Variants in ZBTB17 observed in about 807,000 individuals in gnomAD.
The protein encoded by ZBTB17 is zinc finger and BTB domain containing 17, also known as zinc finger and BTB domain-containing protein 17.
A neutral mutation model predicts 85.1 loss-of-function variants in ZBTB17; 24 were observed. That is an observed-to-expected ratio of 0.28 (90% CI 0.20 to 0.40). The LOEUF is 0.40. Among genes scored for constraint, ZBTB17 ranks in the 10% least tolerant of loss-of-function variants. ZBTB17 has a pLI of 1.00. For synonymous variants in ZBTB17, 464 were observed against 460.2 expected, an observed-to-expected ratio of 1.01 and a Z score of -0.11; for missense variants, 743 against 1,105.1, an observed-to-expected ratio of 0.67 and a Z score of 4.65.
Position 15,945,103 on chromosome 1 carries a change from C to T in ZBTB17, c.761G>A (p.Gly254Asp), listed in dbSNP as rs771296440. ...GGCCTCTCCGTTCTCCAGCTGGGAA[C>T]CCTCCTCCTTGACCTCAGCTGGCCC... ...GAGPAEVKEE[G>D]SQLENGEAPE... Residue 254 changes from glycine to aspartate, a missense_variant, in exon 7 of 16, where the codon GGT (glycine) becomes GAT (aspartate). Physicochemically the swap from Gly to Asp is moderately conservative, Grantham distance 94. Around this residue, in one of 4 missense-constraint regions of ZBTB17, gnomAD observed 279 missense variants for 269.9 expected, o/e 1.03. Coordinates refer to ENST00000375743, the MANE Select transcript of ZBTB17 (RefSeq NM_003443.3). The T allele has an allele frequency of 3.1e-6, 5 of 1,610,344 alleles. No homozygotes were observed. Among genetic ancestry groups the T allele is most frequent in the Non-Finnish European group, 4.2e-6 (5 of 1,178,616 alleles).
At position 15,941,985 on chromosome 1, in the gene ZBTB17, G is replaced by A; in HGVS notation, c.2396C>T (p.Pro799Leu). 1 of 1,597,556 alleles carries A rather than the reference G, an allele frequency of 6.3e-7. No homozygotes were observed. Among genetic ancestry groups the A allele is most frequent in the Non-Finnish European group, 8.5e-7 (1 of 1,175,182 alleles). ...AETSPTAPEC[P>L]PPAE ...GCCGCCAGCTCACTCGGCAGGCGGG[G>A]GACATTCAGGAGCTGTAGGGGAGGT... The change falls in exon 16 of 16, where the codon CCC (proline) becomes CTC (leucine). Residue 799 changes from proline to leucine, a missense_variant. By Grantham distance (98) the Pro-to-Leu change is moderately conservative. Around this residue, in one of 4 missense-constraint regions of ZBTB17, gnomAD observed 69 missense variants for 77.0 expected, o/e 0.90. Transcript: ENST00000375743.
intron 3 of ZBTB17, 117 bp downstream of exon 3, chr1:15,948,174 G>T (rs187113055): frequency 1.7e-6 from 2 of 1,211,840 alleles, no homozygotes; most frequent in Non-Finnish European, 1.2e-6. Context: ...AAGCCTGTGC[G>T]GGAGGCCTGT....
Position 15,964,455 on chromosome 1 carries a change from C to T in ZBTB17, c.-3+8584G>A, listed in dbSNP as rs2072368343. Among the ~76,000 whole-genome samples the T allele has an allele frequency of 2.0e-5, 3 of 152,188 alleles. No individual in the cohort carries two copies. Among genetic ancestry groups the T allele is most frequent in the African/African-American group, 7.2e-5 (3 of 41,434 alleles). ...CAATGGGGCCAGGCAAGATGGCTCA[C>T]GCCTGTAATCCCAACACGTTGGGAG... is the stretch of plus-strand genomic sequence containing the variant. On this transcript the variant is annotated intron_variant, in intron 2 of 15. Coordinates refer to ENST00000375743, the MANE Select transcript of ZBTB17 (RefSeq NM_003443.3). This position sits in a 1 kb window ranked among gnomAD's most constrained non-coding sequence, Gnocchi z 4.3.
rs848189 is a variant in ZBTB17, at chr1:15,951,152, C to T, written c.-2-2655G>A. 0.25 allele frequency among the ~76,000 whole-genome samples: 37,399 copies of T among 152,054 alleles called. 4,997 individuals are homozygous for T. Among genetic ancestry groups the T allele is most frequent in the African/African-American group, 0.34 (13,981 of 41,454 alleles). Reference sequence around the variant, plus strand: ...CCCAGAAGTGGGCTCCTCCCACACACGGGTGTTAGGAGGAGAAACAGAGGC... The same window carrying T: ...CCCAGAAGTGGGCTCCTCCCACACATGGGTGTTAGGAGGAGAAACAGAGGC... On this transcript the variant is annotated intron_variant, in intron 2 of 15. Transcript: ENST00000375743. This position sits in a 1 kb window ranked among gnomAD's most constrained non-coding sequence, Gnocchi z 4.1.
intron 2 of ZBTB17, among the ~76,000 whole-genome samples, chr1:15,960,782 T>G (rs191589555): frequency 6.6e-6 from 1 of 152,346 alleles, no homozygotes; most frequent in East Asian, 1.9e-4. Context: ...AAGTAAGAAC[T>G]GGAAATGGAT....
chr1:15,955,645 A>T (rs1444784797), intron 2 of ZBTB17, among the ~76,000 whole-genome samples: 1 of 152,192 alleles, frequency 6.6e-6, no homozygotes, highest in Non-Finnish European at 1.5e-5. Context: ...AAACTATACA[A>T]CTACCGCTAT....
At chr1:15,949,045 G>T (rs887493338) in intron 2 of ZBTB17, among the ~76,000 whole-genome samples, 1 of 152,104 alleles carries the variant, frequency 6.6e-6, no homozygotes, top group Non-Finnish European at 1.5e-5. Flanking sequence ...GGCTCTGCAC[G>T]TACCCCATCC....
In ZBTB17 at chr1:15,951,894, C is replaced by A. The variant is rs2071867759; in HGVS notation, c.-2-3397G>T. Among the ~76,000 whole-genome samples, 2 of 152,100 alleles carry A rather than the reference C, an allele frequency of 1.3e-5. No individual in the cohort carries two copies. Among genetic ancestry groups the A allele is most frequent in the Admixed American group, 1.3e-4 (2 of 15,276 alleles). ...ACGTTAACCACAGTAATCAGATCAACAGCCAGCTGCTCCCCATCGCCCCCA... is the reference window on the plus strand; with the variant it reads ...ACGTTAACCACAGTAATCAGATCAAAAGCCAGCTGCTCCCCATCGCCCCCA... On this transcript the variant is annotated intron_variant, in intron 2 of 15. Coordinates refer to ENST00000375743, the MANE Select transcript of ZBTB17 (RefSeq NM_003443.3). The surrounding 1 kb of genome is among the most constrained non-coding windows in gnomAD (Gnocchi z 4.1).
rs1275601639 is a variant in ZBTB17 at position 15,952,505 on chromosome 1, A to G, written c.-2-4008T>C. Among the ~76,000 whole-genome samples the G allele has an allele frequency of 6.6e-6, 1 of 152,226 alleles. No individual in the cohort carries two copies. The highest frequency in any genetic ancestry group is 2.4e-5 in the African/African-American group (1 of 41,476). On this transcript the variant is annotated intron_variant, in intron 2 of 15. Coordinates refer to ENST00000375743, the MANE Select transcript of ZBTB17 (RefSeq NM_003443.3). The surrounding 1 kb of genome is among the most constrained non-coding windows in gnomAD (Gnocchi z 4.3). The stretch of plus-strand genomic sequence containing the variant: ...GATGGCCAGCCATTCCTCCCCTGCC[A>G]GGGCCCACCACGCCTCCCATGGAGA...
At chr1:15,942,769 T>G (rs1403216333) in intron 13 of ZBTB17, 31 bp from the exon 14 acceptor site, 5 of 1,610,068 alleles carry the variant, frequency 3.1e-6, no homozygotes, top group Admixed American at 1.7e-5. Context: ...CTTGCCTTTG[T>G]GGGAAGGGGC....
At chr1:15,949,482 C>T (rs984342283) in intron 2 of ZBTB17, among the ~76,000 whole-genome samples, 1 of 152,248 alleles carries the variant, frequency 6.6e-6, no homozygotes, top group Non-Finnish European at 1.5e-5. Flanking sequence ...CCACATTAGA[C>T]AGATTCAACT....
intron 2 of ZBTB17, among the ~76,000 whole-genome samples, chr1:15,960,769 G>T (rs187838307): frequency 6.6e-6 from 1 of 152,238 alleles, no homozygotes; most frequent in Non-Finnish European, 1.5e-5. Context: ...AAAAAAGCAG[G>T]TTAAGTAAGA....
rs1228622549 is a variant in ZBTB17 at position 15,953,904 on chromosome 1, G to T, written c.-2-5407C>A. ...CAAACTACTGTTGCCAGGAAGCAGA[G>T]ATGCAGATGATAGTTTCATTTTTTT... On this transcript the variant is annotated intron_variant, in intron 2 of 15. Transcript: ENST00000375743. This position sits in a 1 kb window ranked among gnomAD's most constrained non-coding sequence, Gnocchi z 5.1. 6.6e-6 allele frequency among the ~76,000 whole-genome samples: 1 copy of T among 152,230 alleles called. No individual in the cohort carries two copies. The highest frequency in any genetic ancestry group is 6.5e-5 in the Admixed American group (1 of 15,288).
In ZBTB17 at chr1:15,976,070, C is replaced by T; in HGVS notation, c.-177G>A. The T allele has an allele frequency of 1.5e-6, 1 of 688,898 alleles. No homozygotes were observed. The highest frequency in any genetic ancestry group is 1.8e-5 in the African/African-American group (1 of 56,218). 42.7% of individuals were successfully genotyped at this position (688,898 alleles called of 1,614,324 possible). On this transcript the variant is annotated 5_prime_UTR_variant, in exon 1 of 16. Transcript: ENST00000375743. ...GGCACTCCAGAGCAGACAAAGGGCG[C>T]CGCCATGTTAGAGTCGGGCGGAACC...
chr1:15,958,434 A>AACAC (rs71574146), intron 2 of ZBTB17, among the ~76,000 whole-genome samples: 1 of 149,356 alleles, frequency 6.7e-6, no homozygotes, highest in Non-Finnish European at 1.5e-5. Flanking sequence ...AAAAAAAAAA[A>AACAC]CACACAGGTG....
At chr1:15,974,090 C>A (rs2072768770) in intron 1 of ZBTB17, among the ~76,000 whole-genome samples, 1 of 151,328 alleles carries the variant, frequency 6.6e-6, no homozygotes, top group South Asian at 2.1e-4. Context: ...AGTTGGGAGG[C>A]TGAGGCAGAA....
In ZBTB17 at chr1:15,962,611, C is replaced by T. The variant is rs150548600; in HGVS notation, c.-3+10428G>A. Among the ~76,000 whole-genome samples, 658 of 152,276 alleles carry T rather than the reference C, an allele frequency of 4.3e-3. 3 individuals carry two copies. Among genetic ancestry groups the T allele is most frequent in the African/African-American group, 0.014 (575 of 41,542 alleles). Reference sequence around the variant, plus strand: ...CACATTCAAGGCCAAATCCATCACACTCTAAAAACTGTGCCCTTTCCGCTA... The same window carrying T: ...CACATTCAAGGCCAAATCCATCACATTCTAAAAACTGTGCCCTTTCCGCTA... On this transcript the variant is annotated intron_variant, in intron 2 of 15. Transcript: ENST00000375743.
In ZBTB17 at chr1:15,943,592, C is replaced by A. The variant is rs527980433; in HGVS notation, c.1576+7G>T. 2 of 1,612,910 alleles carry A rather than the reference C, an allele frequency of 1.2e-6. No individual in the cohort carries two copies. Among genetic ancestry groups the A allele is most frequent in the Non-Finnish European group, 1.7e-6 (2 of 1,179,944 alleles). The stretch of plus-strand genomic sequence containing the variant: ...CCCAGTCCTGGGCATGGCCGCTCAC[C>A]ACCCACCTGTGTGAATGCGGACGTG... On this transcript the variant is annotated splice_region_variant and intron_variant, in intron 11 of 15. Transcript: ENST00000375743.
intron 2 of ZBTB17, among the ~76,000 whole-genome samples, chr1:15,949,578 C>T (rs1256029273): frequency 6.6e-6 from 1 of 152,252 alleles, no homozygotes; most frequent in Non-Finnish European, 1.5e-5. Context: ...AGGCCTGAGT[C>T]TGCACGGGGC....
Sources: allele counts gnomAD v4.1 joint callset (sites outside exome capture counted in the v4.1 genomes callset), GRCh38; gene constraint gnomAD v4.1.1; regional missense constraint gnomAD v4.1.1; non-coding constraint Gnocchi (gnomAD v3.1); transcripts MANE v1.5; gene names NCBI Gene and HGNC (gene_info 2026-07-23, HGNC 2026-07-21).